The following L3MBTL4 variants were observed in gnomAD, a reference collection of about 807,000 sequenced individuals.
L3MBTL4 encodes L3MBTL histone methyl-lysine binding protein 4, also known as lethal(3)malignant brain tumor-like protein 4.
In L3MBTL4, 70 loss-of-function variants were observed where a neutral mutation model predicts 84.5. The ratio of observed to expected loss-of-function variants is 0.83; its 90% CI spans 0.68 to 1.01. The LOEUF (loss-of-function observed/expected upper bound fraction) is 1.01, where lower values mean the gene tolerates loss of function less well. L3MBTL4 is among the 50% of genes least tolerant of loss of function. The pLI is 0.00. For missense variants in L3MBTL4, 715 were observed against 754.8 expected (o/e 0.95, Z 0.62); for synonymous variants, 274 against 259.8 (o/e 1.05, Z -0.52).
intron 1 of L3MBTL4, among the ~76,000 whole-genome samples, chr18:6,317,193 C>T (rs1292717296): frequency 6.6e-6 from 1 of 152,022 alleles, no homozygotes; most frequent in Non-Finnish European, 1.5e-5. Context: ...ATACAAATTA[C>T]TCAGTACTAA....
intron 14 of L3MBTL4, among the ~76,000 whole-genome samples, chr18:6,098,172 C>T (rs1166380995): frequency 1.3e-5 from 2 of 152,180 alleles, no homozygotes; most frequent in African/African-American, 2.4e-5. Flanking sequence ...CTCTGAGAGC[C>T]CTGTTCTGCT....
chr18:6,401,284 T>C (rs341237), intron 1 of L3MBTL4, among the ~76,000 whole-genome samples: 85,849 of 151,928 alleles, frequency 0.57, 24,301 homozygotes, highest in African/African-American at 0.59. Flanking sequence ...ATTTTTAGAC[T>C]TTATAAGCAC....
At chr18:6,063,303 G>C (rs1253690243) in intron 16 of L3MBTL4, among the ~76,000 whole-genome samples, 4 of 142,594 alleles carry the variant, frequency 2.8e-5, no homozygotes, top group South Asian at 2.2e-4. Context: ...AAATATCTGT[G>C]TGTGTGTGTG....
chr18:6,327,213 G>A (rs1446446182), intron 1 of L3MBTL4, among the ~76,000 whole-genome samples: 4 of 152,104 alleles, frequency 2.6e-5, no homozygotes, highest in African/African-American at 9.7e-5. Context: ...AAGCACTTGG[G>A]AATATCTAAC....
chr18:6,294,796 T>C (rs2050020002), intron 4 of L3MBTL4, among the ~76,000 whole-genome samples: 1 of 152,216 alleles, frequency 6.6e-6, no homozygotes, highest in Admixed American at 6.5e-5. Context: ...CAGGGACCTC[T>C]AATCACAGAT....
At chr18:6,193,684 G>A (rs1038662430) in intron 12 of L3MBTL4, among the ~76,000 whole-genome samples, 2 of 152,240 alleles carry the variant, frequency 1.3e-5, no homozygotes, top group East Asian at 3.9e-4. Flanking sequence ...GGGATCAAAG[G>A]AGCAGGTGGT....
At chr18:6,361,821 C>A (rs2144022823) in intron 1 of L3MBTL4, among the ~76,000 whole-genome samples, 1 of 152,142 alleles carries the variant, frequency 6.6e-6, no homozygotes, top group East Asian at 1.9e-4. Context: ...AACTGAGGGA[C>A]CTAAGTAGTA....
chr18:5,957,819 A>G (rs1199895048), intron 18 of L3MBTL4, among the ~76,000 whole-genome samples: 1 of 151,614 alleles, frequency 6.6e-6, no homozygotes, highest in Admixed American at 6.6e-5. Flanking sequence ...AAATACAAAA[A>G]TTAGCCAGGC....
chr18:6,277,167 T>C (rs2049119744), intron 4 of L3MBTL4, among the ~76,000 whole-genome samples: 1 of 147,510 alleles, frequency 6.8e-6, no homozygotes, highest in Non-Finnish European at 1.5e-5. Flanking sequence ...GGGATAGTAT[T>C]GGGAGATATA....
Position 5,992,857 on chromosome 18 carries a change from C to G in L3MBTL4, c.1445-23295G>C, listed in dbSNP as rs546977537. 5.9e-5 allele frequency among the ~76,000 whole-genome samples: 9 copies of G among 152,312 alleles called. No homozygotes were observed. In the East Asian group the frequency reaches 1.7e-3, roughly 29 times the overall value. ...ATGCTTCCTGTACAGCCTGCAGAACCGTGAGCCAATATGACCTCTTTTCTT... is the reference window on the plus strand; with the variant it reads ...ATGCTTCCTGTACAGCCTGCAGAACGGTGAGCCAATATGACCTCTTTTCTT... On this transcript the variant is annotated intron_variant, in intron 16 of 18. Transcript: ENST00000317931.
chr18:6,208,701 G>A (rs187557387), intron 12 of L3MBTL4, among the ~76,000 whole-genome samples: 51 of 152,108 alleles, frequency 3.4e-4, no homozygotes, highest in Non-Finnish European at 6.8e-4. Flanking sequence ...AACAGTAATG[G>A]GCTTTCAGAT....
intron 4 of L3MBTL4, among the ~76,000 whole-genome samples, chr18:6,269,800 A>C (rs77602805): frequency 1.3e-5 from 2 of 152,252 alleles, no homozygotes; most frequent in Admixed American, 1.3e-4. Context: ...TAAGGCAATG[A>C]GATTCGTGAA....
chr18:5,956,164 CT>C lies in L3MBTL4; in HGVS notation c.*55del, dbSNP rs1299579643. 11 of 1,467,686 alleles carry C rather than the reference CT, an allele frequency of 7.5e-6. No individual in the cohort carries two copies. Among genetic ancestry groups the C allele is most frequent in the Non-Finnish European group, 1.0e-5 (11 of 1,063,456 alleles). The allele number at this position is 1,467,686 out of a possible 1,614,324, so 90.9% of individuals were successfully genotyped here. ...ATTCACATCAAATTAATGTGCTCCA[CT>C]TTTATTGCTGAAAGAGCGCAGGTCT... On this transcript the variant is annotated 3_prime_UTR_variant, in exon 19 of 19. Transcript: ENST00000317931.
chr18:6,295,891 T>C (rs930890976), intron 4 of L3MBTL4, among the ~76,000 whole-genome samples: 6 of 152,212 alleles, frequency 3.9e-5, no homozygotes, highest in African/African-American at 7.2e-5. Context: ...GGCAGAGTTC[T>C]CATGAACGGT....
At chr18:6,402,378 T>A (rs1012175319) in intron 1 of L3MBTL4, among the ~76,000 whole-genome samples, 1 of 152,172 alleles carries the variant, frequency 6.6e-6, no homozygotes, top group Non-Finnish European at 1.5e-5. Context: ...CTTCTAGAAA[T>A]AATATAAGCA....
chr18:6,169,367 G>A lies in L3MBTL4; in HGVS notation c.1096+2461C>T, dbSNP rs528444607. ...GAATTACAAAACATGCTGCTATAAA[G>A]ACACATGCACATGTATGTTTATTGC... On this transcript the variant is annotated intron_variant, in intron 13 of 18. Transcript: ENST00000317931. 2.2e-3 allele frequency among the ~76,000 whole-genome samples: 330 copies of A among 152,230 alleles called. 2 individuals carry two copies. Among genetic ancestry groups the A allele is most frequent in the Middle Eastern group, 3.4e-3 (1 of 294 alleles).
At chr18:6,184,406 AT>A (rs1374383478) in intron 12 of L3MBTL4, among the ~76,000 whole-genome samples, 8 of 152,244 alleles carry the variant, frequency 5.3e-5, no homozygotes, top group Non-Finnish European at 1.2e-4. Context: ...GAATAAATGA[AT>A]GTATAAATCC....
At chr18:6,356,389 T>C (rs554615094) in intron 1 of L3MBTL4, among the ~76,000 whole-genome samples, 23 of 152,254 alleles carry the variant, frequency 1.5e-4, no homozygotes, top group Admixed American at 4.6e-4. Flanking sequence ...TGCTCACAGA[T>C]GGATTTTCTT....
In L3MBTL4 at chr18:6,043,388, T is replaced by G. The variant is rs151169360; in HGVS notation, c.1444+37493A>C. The stretch of plus-strand genomic sequence containing the variant: ...CACAGGCAGTATTCCAGGCCTGGGA[T>G]TCTACTGTTCACCTTGACAGGCCAT... On this transcript the variant is annotated intron_variant, in intron 16 of 18. Transcript: ENST00000317931. 7.1e-3 allele frequency among the ~76,000 whole-genome samples: 1,083 copies of G among 152,266 alleles called. 14 individuals are homozygous for G. The highest frequency in any genetic ancestry group is 0.025 in the African/African-American group (1,044 of 41,564).
Sources: gnomAD v4.1 joint callset for allele counts (sites outside exome capture counted in the v4.1 genomes callset) on GRCh38, gnomAD v4.1.1 for gene constraint, MANE v1.5 for transcripts, NCBI Gene and HGNC (gene_info 2026-07-23, HGNC 2026-07-21) for gene names.